KDELR3: variants seen among roughly 807,000 people sequenced by gnomAD.
KDELR3 encodes ER lumen protein-retaining receptor 3.
In KDELR3, 26 loss-of-function variants were observed where a neutral mutation model predicts 22.7. The ratio of observed to expected loss-of-function variants is 1.15; its 90% CI spans 0.84 to 1.59. The LOEUF (loss-of-function observed/expected upper bound fraction) is 1.59, where lower values mean the gene tolerates loss of function less well. Ranked by LOEUF, KDELR3 falls within the 40% of genes most tolerant of loss-of-function variation. The pLI is 0.00. For synonymous variants in KDELR3, 120 were observed against 98.2 expected, an observed-to-expected ratio of 1.22 and a Z score of -1.31; for missense variants, 289 against 251.1, an observed-to-expected ratio of 1.15 and a Z score of -1.02.
intron 1 of KDELR3, among the ~76,000 whole-genome samples, chr22:38,470,357 C>T (rs1410569500): frequency 6.6e-6 from 1 of 152,160 alleles, no homozygotes; most frequent in African/African-American, 2.4e-5. Flanking sequence ...CTCCTGGGCT[C>T]GAGTCACAGG....
chr22:38,474,851 A>G (rs2089547708), intron 2 of KDELR3, among the ~76,000 whole-genome samples: 2 of 151,736 alleles, frequency 1.3e-5, no homozygotes, highest in Admixed American at 1.3e-4. Flanking sequence ...AATCCCAGCA[A>G]TTTGGGAGGC....
intron 2 of KDELR3, among the ~76,000 whole-genome samples, 158 bp downstream of exon 2, chr22:38,474,781 G>A (rs2089547125): frequency 6.6e-6 from 1 of 152,066 alleles, no homozygotes; most frequent in Non-Finnish European, 1.5e-5. Flanking sequence ...GGGCCTCTTT[G>A]TATGTCAGTG....
chr22:38,477,602 T>TA (rs1416690361), intron 2 of KDELR3, among the ~76,000 whole-genome samples: 1 of 152,128 alleles, frequency 6.6e-6, no homozygotes, highest in Non-Finnish European at 1.5e-5. Context: ...ACCTAGAAAA[T>TA]ATTTAACTAA....
Position 38,479,659 on chromosome 22 carries a change from G to C in KDELR3, c.259G>C (p.Asp87His), listed in dbSNP as rs141148010. Residue 87 changes from aspartate to histidine, a missense_variant, in exon 3 of 5, where the codon GAC (aspartate) becomes CAC (histidine). Transcript: ENST00000216014. The part of the protein sequence containing the change: ...MIYGKFRKTF[D>H]SENDTFRLEF... Reference sequence around the variant, plus strand: ...ATATGGGAAATTCCGTAAAACTTTTGACAGTGAGAATGACACATTCCGCCT... The same window carrying C: ...ATATGGGAAATTCCGTAAAACTTTTCACAGTGAGAATGACACATTCCGCCT... 9 of 1,614,086 alleles carry C rather than the reference G, an allele frequency of 5.6e-6. No individual in the cohort carries two copies. Among genetic ancestry groups the C allele is most frequent in the Non-Finnish European group, 5.1e-6 (6 of 1,179,964 alleles).
intron 4 of KDELR3, among the ~76,000 whole-genome samples, chr22:38,481,937 A>G (rs1298850061): frequency 1.3e-5 from 2 of 152,178 alleles, no homozygotes; most frequent in Non-Finnish European, 2.9e-5. Context: ...AAACAAACAA[A>G]AAGACACTTC....
At chr22:38,479,872 A>AT in intron 3 of KDELR3, 121 bp downstream of exon 3, 2 of 908,392 alleles carry the variant, frequency 2.2e-6, no homozygotes, top group Non-Finnish European at 3.4e-6. Flanking sequence ...TCTTTCAGTT[A>AT]TAAGTTGAGA....
In KDELR3 at chr22:38,482,692, A is replaced by C. The variant is rs1266198670; in HGVS notation, c.*156A>C. ...AAAACCTGATCATCCCACCCAGAAG[A>C]CCTTCTCATCAATAGATCGCCCTTA... On this transcript the variant is annotated 3_prime_UTR_variant, in exon 5 of 5. Transcript: ENST00000216014. 1 of 659,956 alleles carries C rather than the reference A, an allele frequency of 1.5e-6. No individual in the cohort carries two copies. Among genetic ancestry groups the C allele is most frequent in the Non-Finnish European group, 2.6e-6 (1 of 378,472 alleles). The allele number at this position is 659,956 out of a possible 1,614,324, so 40.9% of individuals were successfully genotyped here.
intron 1 of KDELR3, among the ~76,000 whole-genome samples, chr22:38,473,716 T>G (rs2089539287): frequency 6.6e-6 from 1 of 152,220 alleles, no homozygotes; most frequent in Admixed American, 6.5e-5. Context: ...GTCATGCCTG[T>G]AATCCCAGCA....
At chr22:38,474,769 T>A in intron 2 of KDELR3, 146 bp downstream of exon 2, 1 of 652,232 alleles carries the variant, frequency 1.5e-6, no homozygotes, top group South Asian at 1.8e-5. Context: ...AGACCTCATC[T>A]TGGGCCTCTT....
rs913937974 is a variant in KDELR3 at position 38,473,150 on chromosome 22, C to T, written c.92-1373C>T. Among the ~76,000 whole-genome samples the T allele has an allele frequency of 4.6e-5, 7 of 152,200 alleles. 1 individual carries two copies. The East Asian group carries it at 5.8e-4, about 13-fold the overall frequency. ...GTCAAGAAACAGCATTTAGACTGGG[C>T]GCGGTGGCTCACGCCTATAATCCCA... On this transcript the variant is annotated intron_variant, in intron 1 of 4. Coordinates refer to ENST00000216014, the MANE Select transcript of KDELR3 (RefSeq NM_006855.4).
At chr22:38,481,159 A>C in intron 3 of KDELR3, 53 bp from the exon 4 acceptor site, 1 of 1,467,074 alleles carries the variant, frequency 6.8e-7, no homozygotes, top group Non-Finnish European at 9.3e-7. Context: ...TTCTTTTAAG[A>C]TGGGCCTCTT....
chr22:38,476,681 C>T (rs1246494211), intron 2 of KDELR3, among the ~76,000 whole-genome samples: 1 of 151,734 alleles, frequency 6.6e-6, no homozygotes, highest in African/African-American at 2.4e-5. Flanking sequence ...CCCACCACCA[C>T]GCCCGGCTAC....
intron 3 of KDELR3, among the ~76,000 whole-genome samples, chr22:38,480,661 G>T (rs1181143552): frequency 6.6e-6 from 1 of 152,046 alleles, no homozygotes; most frequent in African/African-American, 2.4e-5. Context: ...GCTGAGACAG[G>T]AGAATGGAGT....
chr22:38,481,647 A>G (rs991450324), intron 4 of KDELR3, 183 bp downstream of exon 4: 3 of 1,454,066 alleles, frequency 2.1e-6, no homozygotes, highest in South Asian at 1.4e-5. Flanking sequence ...ATGCAGGCCA[A>G]TAGGTTATGT....
Position 38,483,092 on chromosome 22 carries a change from A to C in KDELR3, c.*556A>C, listed in dbSNP as rs2089617378. On this transcript the variant is annotated 3_prime_UTR_variant, in exon 5 of 5. Coordinates refer to ENST00000216014, the MANE Select transcript of KDELR3 (RefSeq NM_006855.4). Reference sequence around the variant, plus strand: ...CAAATTTACCAGGTTTGGCTGGAGGAGTTTTGTGACTCATCTTTTACTGGT... The same window carrying C: ...CAAATTTACCAGGTTTGGCTGGAGGCGTTTTGTGACTCATCTTTTACTGGT... 6.5e-6 allele frequency: 1 copy of C among 152,966 alleles called. No homozygotes were observed. The highest frequency in any genetic ancestry group is 2.4e-5 in the African/African-American group (1 of 41,416). 9.5% of individuals were successfully genotyped at this position (152,966 alleles called of 1,614,324 possible). A position where few individuals can be genotyped will look rare whatever the true frequency, so the allele number is the denominator to read the frequency against.
At position 38,468,217 on chromosome 22, in the gene KDELR3, G is replaced by T. The variant is rs2089498950; in HGVS notation, c.-17G>T. On this transcript the variant is annotated 5_prime_UTR_variant, in exon 1 of 5. Coordinates refer to ENST00000216014, the MANE Select transcript of KDELR3 (RefSeq NM_006855.4). ...AGAAGTTTGCTGGGCGCGGGCGCAC[G>T]ACTGACTGGCTGGACCATGAACGTG... 1.2e-6 allele frequency: 2 copies of T among 1,612,872 alleles called. No homozygotes were observed. Among genetic ancestry groups the T allele is most frequent in the Non-Finnish European group, 8.5e-7 (1 of 1,179,170 alleles).
In KDELR3 at chr22:38,482,751, C is replaced by T. The variant is rs1171383749; in HGVS notation, c.*215C>T. 2.5e-5 allele frequency: 14 copies of T among 550,692 alleles called. No homozygotes were observed. The East Asian group carries it at 4.1e-4, about 16-fold the overall frequency. 34.1% of individuals were successfully genotyped at this position (550,692 alleles called of 1,614,324 possible). On this transcript the variant is annotated 3_prime_UTR_variant, in exon 5 of 5. Transcript: ENST00000216014. ...TTGTAAGGTCATAAAAAACCTCGGCCACCTGCACAAAGATGGTGCCTCACT... is the reference window on the plus strand; with the variant it reads ...TTGTAAGGTCATAAAAAACCTCGGCTACCTGCACAAAGATGGTGCCTCACT...
intron 2 of KDELR3, among the ~76,000 whole-genome samples, chr22:38,476,355 G>A (rs1450804297): frequency 6.6e-6 from 1 of 151,988 alleles, no homozygotes; most frequent in East Asian, 1.9e-4. Flanking sequence ...GAGTAGCTGG[G>A]ACTACAGGCG....
At chr22:38,480,658 CAGG>C (rs1474033911) in intron 3 of KDELR3, among the ~76,000 whole-genome samples, 2 of 151,882 alleles carry the variant, frequency 1.3e-5, no homozygotes, top group Non-Finnish European at 2.9e-5. Flanking sequence ...GAGGCTGAGA[CAGG>C]AGAATGGAGT....
Sources: allele counts gnomAD v4.1 joint callset (sites outside exome capture counted in the v4.1 genomes callset), GRCh38; gene constraint gnomAD v4.1.1; transcripts MANE v1.5; gene names NCBI Gene and HGNC (gene_info 2026-07-23, HGNC 2026-07-21).